Variants in PCBP3 observed in about 807,000 individuals in gnomAD.
PCBP3 encodes the protein poly(rC)-binding protein 3.
Under a neutral mutation model 52.7 loss-of-function variants are expected in PCBP3, and 25 were observed. That is an observed-to-expected ratio of 0.47 (90% CI 0.35 to 0.66). PCBP3 has a LOEUF of 0.66. Among genes scored for constraint, PCBP3 ranks in the 30% least tolerant of loss-of-function variants. The pLI is 0.01. For synonymous variants in PCBP3, 162 were observed against 183.0 expected, an observed-to-expected ratio of 0.89 and a Z score of 0.93; for missense variants, 391 against 490.3, an observed-to-expected ratio of 0.80 and a Z score of 1.91.
chr21:45,675,428 A>G (rs2081404798), intron 2 of PCBP3, among the ~76,000 whole-genome samples: 1 of 152,198 alleles, frequency 6.6e-6, no homozygotes, highest in South Asian at 2.1e-4. Flanking sequence ...TACATTAGGC[A>G]AAGAACCAGA....
intron 4 of PCBP3, among the ~76,000 whole-genome samples, chr21:45,814,952 AGTGAGTG>A (rs1191335015): frequency 6.8e-5 from 5 of 73,782 alleles, no homozygotes; most frequent in African/African-American, 1.7e-4. Context: ...ATGAGTGGTG[AGTGAGTG>A]GTGAGTGGTG....
intron 4 of PCBP3, among the ~76,000 whole-genome samples, chr21:45,793,726 A>C (rs547261899): frequency 6.6e-6 from 1 of 152,316 alleles, no homozygotes; most frequent in Non-Finnish European, 1.5e-5. Flanking sequence ...GGTGATTGGC[A>C]TCAGACTTCT....
chr21:45,756,805 T>C (rs1232581856), intron 4 of PCBP3, among the ~76,000 whole-genome samples: 1 of 152,242 alleles, frequency 6.6e-6, no homozygotes, highest in Non-Finnish European at 1.5e-5. Context: ...ATTTTCAAAG[T>C]TTATGCATGT....
intron 13 of PCBP3, chr21:45,918,747 A>T (rs1265529744): frequency 7.1e-5 from 10 of 141,320 alleles, no homozygotes; most frequent in Non-Finnish European, 1.5e-4. Context: ...GGAAGAAGTT[A>T]CTCTCAGATA....
chr21:45,920,026 C>T (rs756051996), intron 13 of PCBP3, among the ~76,000 whole-genome samples: 2 of 147,236 alleles, frequency 1.4e-5, no homozygotes, highest in African/African-American at 2.6e-5. Flanking sequence ...TAGAGATGCA[C>T]GTGTGCAGAG....
chr21:45,827,295 G>A lies in PCBP3; in HGVS notation c.-125-22666G>A, dbSNP rs1468379644. On this transcript the variant is annotated intron_variant, in intron 4 of 17. Coordinates refer to ENST00000681687, the MANE Select transcript of PCBP3 (RefSeq NM_001384156.1). The surrounding 1 kb of genome is among the most constrained non-coding windows in gnomAD (Gnocchi z 4.3). ...CCTCTGCCCCCGCTGCGATGGTGTC[G>A]GAGGAGGCCGGTGAAAATGAGATAA... 2.0e-5 allele frequency among the ~76,000 whole-genome samples: 3 copies of A among 152,182 alleles called. No homozygotes were observed. Among genetic ancestry groups the A allele is most frequent in the East Asian group, 1.9e-4 (1 of 5,186 alleles).
At chr21:45,863,750 T>G (rs2094597484) in intron 5 of PCBP3, among the ~76,000 whole-genome samples, 1 of 152,076 alleles carries the variant, frequency 6.6e-6, no homozygotes, top group African/African-American at 2.4e-5. Flanking sequence ...CAGAGCTGCT[T>G]TGTTCCAAGG....
intron 5 of PCBP3, among the ~76,000 whole-genome samples, chr21:45,885,960 A>C (rs1471604386): frequency 6.6e-6 from 1 of 152,244 alleles, no homozygotes; most frequent in Non-Finnish European, 1.5e-5. Context: ...TCTGGATATT[A>C]CGTTATGAGA....
At chr21:45,785,705 G>A (rs2091094319) in intron 4 of PCBP3, among the ~76,000 whole-genome samples, 1 of 152,220 alleles carries the variant, frequency 6.6e-6, no homozygotes, top group Non-Finnish European at 1.5e-5. Context: ...GGGAAAGGTG[G>A]GGAAAAGATT....
chr21:45,706,649 A>G (rs1195483452), intron 2 of PCBP3, among the ~76,000 whole-genome samples: 1 of 152,210 alleles, frequency 6.6e-6, no homozygotes, highest in Non-Finnish European at 1.5e-5. Context: ...CAATTAGCAC[A>G]AATCCCAAAT....
intron 2 of PCBP3, among the ~76,000 whole-genome samples, chr21:45,692,196 C>T (rs2082523826): frequency 6.6e-6 from 1 of 152,050 alleles, no homozygotes; most frequent in Non-Finnish European, 1.5e-5. Flanking sequence ...CAGGGACAAA[C>T]TAGAGGTTTC....
chr21:45,662,152 G>T (rs1186712673), intron 1 of PCBP3, among the ~76,000 whole-genome samples: 1 of 150,644 alleles, frequency 6.6e-6, no homozygotes, highest in Non-Finnish European at 1.5e-5. Context: ...AGTCCCATTT[G>T]TCTATTTTTG....
chr21:45,821,820 C>T lies in PCBP3; in HGVS notation c.-125-28141C>T, dbSNP rs1782900328. Among the ~76,000 whole-genome samples the T allele has an allele frequency of 6.6e-6, 1 of 152,196 alleles. No individual in the cohort carries two copies. Among genetic ancestry groups the T allele is most frequent in the Admixed American group, 6.5e-5 (1 of 15,284 alleles). On this transcript the variant is annotated intron_variant, in intron 4 of 17. Transcript: ENST00000681687. The surrounding 1 kb of genome is among the most constrained non-coding windows in gnomAD (Gnocchi z 4.4). Reference sequence around the variant, plus strand: ...GGTCATGGGAGGCAGCAGAGCCCAGCCCTGGCCCTTCGAGCTTCCGTCCTG... The same window carrying T: ...GGTCATGGGAGGCAGCAGAGCCCAGTCCTGGCCCTTCGAGCTTCCGTCCTG...
intron 4 of PCBP3, among the ~76,000 whole-genome samples, chr21:45,823,898 C>G (rs551010395): frequency 6.6e-6 from 1 of 152,038 alleles, no homozygotes. Flanking sequence ...CCCACCACCA[C>G]GCCCAGCTAA....
chr21:45,687,631 G>A (rs989036292), intron 2 of PCBP3, among the ~76,000 whole-genome samples: 7 of 151,506 alleles, frequency 4.6e-5, no homozygotes, highest in Non-Finnish European at 1.0e-4. Context: ...CCAACAATAT[G>A]AATAAAACTC....
chr21:45,878,590 C>T (rs748880559), intron 5 of PCBP3, among the ~76,000 whole-genome samples: 24 of 152,198 alleles, frequency 1.6e-4, no homozygotes, highest in Non-Finnish European at 3.1e-4. Flanking sequence ...GTGGCACACA[C>T]GTGGCACAGA....
At chr21:45,863,610 G>A (rs897283924) in intron 5 of PCBP3, among the ~76,000 whole-genome samples, 1 of 152,242 alleles carries the variant, frequency 6.6e-6, no homozygotes, top group East Asian at 1.9e-4. Flanking sequence ...GGCCAATGGG[G>A]TGGGCAGCCT....
chr21:45,793,461 C>T (rs1954685788), intron 4 of PCBP3, among the ~76,000 whole-genome samples: 2 of 152,200 alleles, frequency 1.3e-5, no homozygotes, highest in Admixed American at 6.5e-5. Context: ...TGCTGAGAAG[C>T]TCCATATTCT....
At chr21:45,882,776 G>T (rs1050045603) in intron 5 of PCBP3, among the ~76,000 whole-genome samples, 2 of 152,168 alleles carry the variant, frequency 1.3e-5, no homozygotes, top group African/African-American at 4.8e-5. Flanking sequence ...GTTTATTGAA[G>T]AAACTGTCCT....
Sources: gnomAD v4.1 joint callset for allele counts (sites outside exome capture counted in the v4.1 genomes callset) on GRCh38, gnomAD v4.1.1 for gene constraint, Gnocchi (gnomAD v3.1) non-coding constraint, MANE v1.5 for transcripts, NCBI Gene and HGNC (gene_info 2026-07-23, HGNC 2026-07-21) for gene names.